NLGN4X: variants seen among roughly 807,000 people sequenced by gnomAD.
NLGN4X encodes neuroligin-4, X-linked.
NLGN4X carries 3 observed loss-of-function variants against 40.3 expected under a neutral mutation model. That is an observed-to-expected ratio of 0.07 (90% CI 0.03 to 0.19). The LOEUF (loss-of-function observed/expected upper bound fraction) is 0.19. NLGN4X is among the 10% of genes least tolerant of loss of function. The probability of loss-of-function intolerance (pLI) is 1.00; values close to 1 mark genes in which losing one functional copy is unlikely to be tolerated. For synonymous variants in NLGN4X, 270 were observed against 306.8 expected, an observed-to-expected ratio of 0.88 and a Z score of 1.25; for missense variants, 382 against 708.3, an observed-to-expected ratio of 0.54 and a Z score of 5.23.
rs764507720 is a variant in NLGN4X, at chrX:5,903,535, G to A, written c.1143C>T (p.Asp381=). The part of the protein sequence containing the change: ...VNQGEGLKFV[D]GIVDNEDGVT... ...CACCGTCCTCGTTATCCACGATGCCGTCCACGAACTTCAGGCCTTCCCCTT... is the reference window on the plus strand; with the variant it reads ...CACCGTCCTCGTTATCCACGATGCCATCCACGAACTTCAGGCCTTCCCCTT... The change falls in exon 5 of 6, where the codon GAC becomes GAT. Residue 381 remains aspartate, a synonymous_variant. Coordinates refer to ENST00000381095, the MANE Select transcript of NLGN4X (RefSeq NM_181332.3). The A allele has an allele frequency of 1.1e-5, 13 of 1,210,004 alleles. No homozygotes were observed. Among genetic ancestry groups the A allele is most frequent in the Middle Eastern group, 2.3e-4 (1 of 4,348 alleles).
At chrX:6,148,122 T>A (rs778181447) in intron 2 of NLGN4X, among the ~76,000 whole-genome samples, 158 of 112,662 alleles carry the variant, frequency 1.4e-3, no homozygotes, top group African/African-American at 5.0e-3. Flanking sequence ...AGTTCTTAAA[T>A]GTAAGGATAA....
intron 3 of NLGN4X, among the ~76,000 whole-genome samples, chrX:5,932,603 A>G (rs369707229): frequency 8.9e-6 from 1 of 111,909 alleles, no homozygotes; most frequent in Non-Finnish European, 1.9e-5. Flanking sequence ...TGGTAAATAT[A>G]GTAGGTATAG....
At chrX:6,226,475 C>G (rs1926342487) in intron 1 of NLGN4X, among the ~76,000 whole-genome samples, 2 of 111,317 alleles carry the variant, frequency 1.8e-5, no homozygotes, top group Non-Finnish European at 3.8e-5. Context: ...CTGCTCCCGC[C>G]CCCGCCGCTC....
intron 3 of NLGN4X, among the ~76,000 whole-genome samples, chrX:5,918,252 G>A (rs73182591): frequency 0.036 from 4,045 of 111,111 alleles, 87 homozygotes; most frequent in Non-Finnish European, 0.054. Flanking sequence ...AAAGTATGGA[G>A]ATAAAACACA....
chrX:5,939,743 G>A (rs192469760), intron 3 of NLGN4X, among the ~76,000 whole-genome samples: 1 of 111,300 alleles, frequency 9.0e-6, no homozygotes, highest in East Asian at 2.8e-4. Flanking sequence ...TCCCAGTTAT[G>A]TTCCAGAATT....
At chrX:6,060,284 G>T (rs1362986994) in intron 2 of NLGN4X, among the ~76,000 whole-genome samples, 1 of 111,568 alleles carries the variant, frequency 9.0e-6, no homozygotes, top group Non-Finnish European at 1.9e-5. Flanking sequence ...GAGGATGGTG[G>T]TACCGAATCT....
intron 1 of NLGN4X, among the ~76,000 whole-genome samples, chrX:6,226,361 A>T (rs1926319551): frequency 9.1e-6 from 1 of 109,451 alleles, no homozygotes; most frequent in Non-Finnish European, 1.9e-5. Flanking sequence ...GAGGGGTATG[A>T]TGCGGAGGAC....
At chrX:6,192,316 T>C (rs900491038) in intron 1 of NLGN4X, among the ~76,000 whole-genome samples, 18 of 110,467 alleles carry the variant, frequency 1.6e-4, no homozygotes, top group Non-Finnish European at 2.5e-4. Context: ...TTTGTAGAGA[T>C]GAAGTCTCAC....
At chrX:5,968,457 C>CTCTCTCTCTCTG (rs1192942244) in intron 3 of NLGN4X, among the ~76,000 whole-genome samples, 3 of 47,022 alleles carry the variant, frequency 6.4e-5, no homozygotes, top group Admixed American at 3.1e-4. Flanking sequence ...CTCTCTCTCT[C>CTCTCTCTCTCTG]TGTGTGTGTG....
intron 1 of NLGN4X, among the ~76,000 whole-genome samples, chrX:6,169,521 C>T (rs2040562087): frequency 8.8e-6 from 1 of 113,088 alleles, no homozygotes; most frequent in African/African-American, 3.2e-5. Context: ...GCACAAGCAT[C>T]CTTGACCACG....
At chrX:5,999,199 C>CATTT (rs1428036598) in intron 3 of NLGN4X, among the ~76,000 whole-genome samples, 1 of 111,696 alleles carries the variant, frequency 9.0e-6, no homozygotes, top group African/African-American at 3.3e-5. Flanking sequence ...AAGAAATAAC[C>CATTT]ATTTTTTTCT....
intron 2 of NLGN4X, among the ~76,000 whole-genome samples, chrX:6,054,850 G>A (rs753181069): frequency 5.8e-4 from 65 of 111,258 alleles, no homozygotes; most frequent in African/African-American, 2.0e-3. Context: ...TAGAGACAGC[G>A]TTTCACCATG....
Position 6,029,346 on chromosome X carries a change from C to T in NLGN4X, c.559G>A (p.Gly187Ser), listed in dbSNP as rs766282731. The change falls in exon 3 of 6, where the codon GGC becomes AGC. Residue 187 changes from glycine to serine, a missense_variant. Gly to Ser is a moderately conservative substitution (Grantham distance 56). Coordinates refer to ENST00000381095, the MANE Select transcript of NLGN4X (RefSeq NM_181332.3). ...YMEGTGNMIDGSILASYGNVI... is the reference protein window; with the variant it reads ...YMEGTGNMIDSSILASYGNVI... ...TTTCCGTAGCTTGCCAAAATGCTGC[C>T]GTCAATCATGTTGCCGGTGCCCTCC... The T allele has an allele frequency of 2.5e-6, 3 of 1,210,936 alleles. No individual in the cohort carries two copies. In the South Asian group the frequency reaches 5.3e-5, roughly 21 times the overall value.
chrX:6,061,064 G>A (rs1475199321), intron 2 of NLGN4X, among the ~76,000 whole-genome samples: 1 of 112,019 alleles, frequency 8.9e-6, no homozygotes, highest in Non-Finnish European at 1.9e-5. Context: ...ACAGAAATTA[G>A]TGGGGCTACT....
chrX:6,015,455 C>T (rs186852184), intron 3 of NLGN4X, among the ~76,000 whole-genome samples: 33 of 111,487 alleles, frequency 3.0e-4, no homozygotes, highest in Non-Finnish European at 5.5e-4. Flanking sequence ...AAATCCAGGG[C>T]TCATTACAAA....
chrX:6,138,235 A>G (rs1156392314), intron 2 of NLGN4X, among the ~76,000 whole-genome samples: 2 of 112,169 alleles, frequency 1.8e-5, no homozygotes, highest in Non-Finnish European at 3.8e-5. Flanking sequence ...TGCATTTGAC[A>G]AAAAAAGATC....
At position 6,007,501 on chromosome X, in the gene NLGN4X, G is replaced by C. The variant is rs891635615; in HGVS notation, c.625+21779C>G. 5.4e-5 allele frequency among the ~76,000 whole-genome samples: 6 copies of C among 111,810 alleles called. No individual in the cohort carries two copies. In the East Asian group the frequency reaches 1.7e-3, roughly 31 times the overall value. ...AACATTTTTAAATAAAAAATAAAAA[G>C]CAAATAAAAGCAGGTTTTCTTAAAA... On this transcript the variant is annotated intron_variant, in intron 3 of 5. Coordinates refer to ENST00000381095, the MANE Select transcript of NLGN4X (RefSeq NM_181332.3).
At chrX:5,997,442 TA>T (rs1179544405) in intron 3 of NLGN4X, among the ~76,000 whole-genome samples, 41 of 100,828 alleles carry the variant, frequency 4.1e-4, no homozygotes, top group African/African-American at 7.8e-4. Context: ...GGTTACAAAT[TA>T]AAAAAAAAAC....
chrX:6,064,840 C>T (rs144125451), intron 2 of NLGN4X, among the ~76,000 whole-genome samples: 7,692 of 111,295 alleles, frequency 0.069, 576 homozygotes, highest in African/African-American at 0.22. Flanking sequence ...CTATTCACAA[C>T]AGCAAAGACA....
Sources: allele counts gnomAD v4.1 joint callset (sites outside exome capture counted in the v4.1 genomes callset), GRCh38; gene constraint gnomAD v4.1.1; transcripts MANE v1.5; gene names NCBI Gene and HGNC (gene_info 2026-07-23, HGNC 2026-07-21).